Variants in LAMA3 observed in about 807,000 individuals in gnomAD.
The protein encoded by LAMA3 is laminin subunit alpha-3.
In LAMA3, 281 loss-of-function variants were observed where a neutral mutation model predicts 402.0. The observed-to-expected ratio is 0.70, with a 90% CI of 0.63 to 0.77. The LOEUF is 0.77. LAMA3 is among the 30% of genes least tolerant of loss of function. The pLI, the probability that LAMA3 is intolerant of heterozygous loss-of-function variation, is 0.00. For missense variants in LAMA3, 3,840 were observed against 4,215.5 expected (o/e 0.91, Z 2.47); for synonymous variants, 1,431 against 1,558.4 (o/e 0.92, Z 1.93).
At chr18:23,701,582 A>G (rs993317046) in intron 1 of LAMA3, among the ~76,000 whole-genome samples, 8 of 152,212 alleles carry the variant, frequency 5.3e-5, no homozygotes, top group African/African-American at 1.7e-4. Context: ...ACTAATACTG[A>G]GTGCCTACCC....
chr18:23,864,923 G>T, intron 36 of LAMA3, 40 bp downstream of exon 36: 1 of 1,241,862 alleles, frequency 8.1e-7, no homozygotes, highest in Non-Finnish European at 1.2e-6. Context: ...GGAAGTGGCA[G>T]TTGCAGTTGG....
At chr18:23,726,061 G>T (rs952464105) in intron 2 of LAMA3, among the ~76,000 whole-genome samples, 36 of 152,186 alleles carry the variant, frequency 2.4e-4, no homozygotes, top group African/African-American at 8.7e-4. Context: ...AGTCATCCTT[G>T]CTGGGCAGAC....
intron 41 of LAMA3, among the ~76,000 whole-genome samples, chr18:23,888,365 C>T (rs1027319130): frequency 3.3e-5 from 5 of 152,196 alleles, no homozygotes; most frequent in East Asian, 3.8e-4. Flanking sequence ...GCAGATATTA[C>T]GCTAGATTCT....
chr18:23,904,398 G>A (rs1241655557), intron 50 of LAMA3, among the ~76,000 whole-genome samples, 155 bp from the exon 51 acceptor site: 2 of 151,626 alleles, frequency 1.3e-5, no homozygotes, highest in Non-Finnish European at 2.9e-5. Context: ...GACAGAGAGA[G>A]ACTCTGCCAT....
intron 32 of LAMA3, among the ~76,000 whole-genome samples, chr18:23,849,064 G>A (rs1598916164): frequency 6.6e-6 from 1 of 152,264 alleles, no homozygotes; most frequent in South Asian, 2.1e-4. Context: ...CCGTACTCTG[G>A]TATAACCTCA....
rs776299835 is a variant in LAMA3 at position 23,899,415 on chromosome 18, C to A, written c.5964C>A (p.His1988Gln). Reference sequence around the variant, plus strand: ...TGCGGAACAGGAACTTTGGAAAGCACCTCAGAGAAGCAGAAGCTGATAAAA... The same window carrying A: ...TGCGGAACAGGAACTTTGGAAAGCAACTCAGAGAAGCAGAAGCTGATAAAA... ...RELRNRNFGK[H>Q]LREAEADKRE... is the part of the protein sequence containing the mutation. Residue 1988 changes from histidine to glutamine, a missense_variant, in exon 47 of 75, where the codon CAC becomes CAA. Coordinates refer to ENST00000313654, the MANE Select transcript of LAMA3 (RefSeq NM_198129.4). 1 of 1,613,960 alleles carries A rather than the reference C, an allele frequency of 6.2e-7. No homozygotes were observed. Among genetic ancestry groups the A allele is most frequent in the Non-Finnish European group, 8.5e-7 (1 of 1,180,004 alleles).
chr18:23,748,212 T>A (rs1361575872), intron 3 of LAMA3, 152 bp downstream of exon 3: 11 of 669,444 alleles, frequency 1.6e-5, no homozygotes, highest in Non-Finnish European at 2.7e-5. Flanking sequence ...GTGGATTACC[T>A]GAGGTCAGGA....
chr18:23,840,344 C>T (rs539620942), intron 27 of LAMA3, among the ~76,000 whole-genome samples: 14 of 145,136 alleles, frequency 9.6e-5, no homozygotes, highest in Non-Finnish European at 1.8e-4. Context: ...GATCATAAGA[C>T]TTTTAGAATA....
intron 48 of LAMA3, among the ~76,000 whole-genome samples, chr18:23,901,582 T>A (rs1460928652): frequency 6.6e-6 from 1 of 151,924 alleles, no homozygotes; most frequent in African/African-American, 2.4e-5. Flanking sequence ...GCTGAAAGAG[T>A]GTTGGAGGAA....
intron 2 of LAMA3, among the ~76,000 whole-genome samples, chr18:23,716,963 TTTTA>T (rs2061112892): frequency 6.6e-6 from 1 of 152,258 alleles, no homozygotes; most frequent in South Asian, 2.1e-4. Flanking sequence ...CAGTCGTATT[TTTTA>T]TTTAATAAAA....
chr18:23,910,155 C>G (rs567251658), intron 55 of LAMA3, among the ~76,000 whole-genome samples: 1 of 152,358 alleles, frequency 6.6e-6, no homozygotes, highest in East Asian at 1.9e-4. Flanking sequence ...TGTTCATTCA[C>G]TAATTTATCC....
rs374895199 is a variant in LAMA3, at chr18:23,797,370, A to G, written c.1604-12996A>G. Among the ~76,000 whole-genome samples the G allele has an allele frequency of 5.3e-5, 8 of 152,166 alleles. No individual in the cohort carries two copies. In the East Asian group the frequency reaches 7.7e-4, roughly 15 times the overall value. On this transcript the variant is annotated intron_variant, in intron 12 of 74. Coordinates refer to ENST00000313654, the MANE Select transcript of LAMA3 (RefSeq NM_198129.4). ...AATGGTGTATCAGCTGACCCAGTAT[A>G]TTCTAGCCAAAAAGTGTTCTTACTG...
intron 24 of LAMA3, among the ~76,000 whole-genome samples, chr18:23,836,753 T>C (rs1027606987): frequency 3.3e-5 from 5 of 152,194 alleles, no homozygotes; most frequent in South Asian, 2.1e-4. Flanking sequence ...AAAAACTGAA[T>C]GGGGCCTTTA....
Position 23,943,806 on chromosome 18 carries a change from C to CAT in LAMA3, c.9046_9047dup (p.Met3016IlefsTer41). 6.2e-7 allele frequency: 1 copy of CAT among 1,613,942 alleles called. No homozygotes were observed. The highest frequency in any genetic ancestry group is 1.1e-5 in the South Asian group (1 of 91,078). On this transcript the variant is annotated frameshift_variant, in exon 69 of 75. Coordinates refer to ENST00000313654, the MANE Select transcript of LAMA3 (RefSeq NM_198129.4). LOFTEE classifies it high-confidence loss of function. ...CCAACAGGTCACAGTTTGCTGTGGA[C>CAT]ATGCAGACAACATCCTCCAGAGGAC...
intron 3 of LAMA3, among the ~76,000 whole-genome samples, chr18:23,749,128 G>A (rs2061701096): frequency 6.6e-6 from 1 of 152,182 alleles, no homozygotes; most frequent in Admixed American, 6.5e-5. Context: ...CAAGAATTTT[G>A]CTTATAAAGG....
chr18:23,697,637 G>A (rs1229715434), intron 1 of LAMA3, among the ~76,000 whole-genome samples: 3 of 152,040 alleles, frequency 2.0e-5, no homozygotes, highest in Non-Finnish European at 2.9e-5. Context: ...GAGCTTCCTG[G>A]ATTTTGGATT....
At chr18:23,949,326 C>A (rs2082823068) in intron 70 of LAMA3, among the ~76,000 whole-genome samples, 2 of 152,158 alleles carry the variant, frequency 1.3e-5, no homozygotes, top group South Asian at 4.1e-4. Flanking sequence ...TAACACACTG[C>A]CTCGTGGAAC....
intron 41 of LAMA3, among the ~76,000 whole-genome samples, chr18:23,887,725 C>G (rs2080486558): frequency 6.6e-6 from 1 of 152,178 alleles, no homozygotes; most frequent in Non-Finnish European, 1.5e-5. Flanking sequence ...TGGATAGAAG[C>G]CAGAGTGGCC....
intron 42 of LAMA3, among the ~76,000 whole-genome samples, chr18:23,890,770 G>T (rs1376183904): frequency 6.6e-6 from 1 of 152,130 alleles, no homozygotes; most frequent in Non-Finnish European, 1.5e-5. Flanking sequence ...CTAAACCCTG[G>T]ATATGTGGAT....
Sources: gnomAD v4.1 joint callset for allele counts (sites outside exome capture counted in the v4.1 genomes callset) on GRCh38, gnomAD v4.1.1 for gene constraint, MANE v1.5 for transcripts, NCBI Gene and HGNC (gene_info 2026-07-23, HGNC 2026-07-21) for gene names.